Variants in SSBP2 observed in about 807,000 individuals in gnomAD.
The protein encoded by SSBP2 is single-stranded DNA-binding protein 2.
Under a neutral mutation model 61.8 loss-of-function variants are expected in SSBP2, and 17 were observed. The observed-to-expected ratio is 0.28, with a 90% CI of 0.19 to 0.41. The LOEUF (loss-of-function observed/expected upper bound fraction) is 0.41. SSBP2 is among the 10% of genes least tolerant of loss of function. SSBP2 has a pLI of 1.00. For synonymous variants in SSBP2, 139 were observed against 141.3 expected, an observed-to-expected ratio of 0.98 and a Z score of 0.12; for missense variants, 310 against 458.7, an observed-to-expected ratio of 0.68 and a Z score of 2.96.
intron 2 of SSBP2, among the ~76,000 whole-genome samples, chr5:81,647,362 G>C (rs540269904): frequency 6.6e-6 from 1 of 151,946 alleles, no homozygotes; most frequent in South Asian, 2.1e-4. Context: ...TATGTACTAG[G>C]GTTTCCAGAT....
At chr5:81,669,062 T>C (rs535543294) in intron 1 of SSBP2, among the ~76,000 whole-genome samples, 1 of 152,322 alleles carries the variant, frequency 6.6e-6, no homozygotes, top group East Asian at 1.9e-4. Context: ...GGAAGTAGCC[T>C]GTATGTTCAA....
chr5:81,687,275 T>A (rs1451764590), intron 1 of SSBP2, among the ~76,000 whole-genome samples: 1 of 152,178 alleles, frequency 6.6e-6, no homozygotes, highest in Non-Finnish European at 1.5e-5. Flanking sequence ...CAGAACTCAG[T>A]TGGCACTCAT....
At chr5:81,613,311 A>G (rs988275152) in intron 4 of SSBP2, among the ~76,000 whole-genome samples, 7 of 152,196 alleles carry the variant, frequency 4.6e-5, no homozygotes, top group African/African-American at 1.7e-4. Flanking sequence ...TTACACAGTA[A>G]GGGGTTGTTC....
intron 1 of SSBP2, among the ~76,000 whole-genome samples, chr5:81,742,597 C>T (rs1023222290): frequency 1.3e-5 from 2 of 152,156 alleles, no homozygotes; most frequent in African/African-American, 4.8e-5. Context: ...CACAAATGGC[C>T]GGGCTCAGTG....
chr5:81,596,266 G>C (rs1248201426), intron 4 of SSBP2, among the ~76,000 whole-genome samples: 2 of 150,714 alleles, frequency 1.3e-5, no homozygotes, highest in Non-Finnish European at 3.0e-5. Flanking sequence ...AAATACCTAG[G>C]AATCCAACTT....
chr5:81,575,765 A>G (rs976851456), intron 4 of SSBP2, among the ~76,000 whole-genome samples: 1 of 152,200 alleles, frequency 6.6e-6, no homozygotes, highest in South Asian at 2.1e-4. Context: ...AGAAAATTTG[A>G]AAGTAAAAGG....
intron 4 of SSBP2, among the ~76,000 whole-genome samples, chr5:81,529,363 C>T (rs1770217679): frequency 6.6e-6 from 1 of 152,148 alleles, no homozygotes; most frequent in Non-Finnish European, 1.5e-5. Context: ...AAAAATATTA[C>T]ATATTCTTTC....
chr5:81,716,937 A>G (rs562705902), intron 1 of SSBP2, among the ~76,000 whole-genome samples: 2 of 152,366 alleles, frequency 1.3e-5, no homozygotes, highest in East Asian at 3.9e-4. Flanking sequence ...TATACAATTA[A>G]GGAAATACAT....
intron 3 of SSBP2, among the ~76,000 whole-genome samples, chr5:81,625,161 A>T (rs1001215882): frequency 6.6e-6 from 1 of 152,182 alleles, no homozygotes; most frequent in Admixed American, 6.5e-5. Flanking sequence ...ACAAAAATGT[A>T]GACTTATCTC....
At chr5:81,563,182 T>G (rs7737633) in intron 4 of SSBP2, among the ~76,000 whole-genome samples, 1 of 152,142 alleles carries the variant, frequency 6.6e-6, no homozygotes, top group African/African-American at 2.4e-5. Flanking sequence ...AATAGATCAA[T>G]GGTACAGAAT....
intron 4 of SSBP2, among the ~76,000 whole-genome samples, chr5:81,586,057 T>C (rs1285031648): frequency 6.6e-6 from 1 of 152,206 alleles, no homozygotes; most frequent in Non-Finnish European, 1.5e-5. Flanking sequence ...GACGGATACG[T>C]AGGTTGATTC....
chr5:81,689,546 C>T (rs1422714512), intron 1 of SSBP2, among the ~76,000 whole-genome samples: 2 of 150,942 alleles, frequency 1.3e-5, no homozygotes, highest in South Asian at 4.2e-4. Context: ...CCTTACAGGC[C>T]AGGAGAGAGT....
chr5:81,427,387 G>A (rs908921718), intron 16 of SSBP2, among the ~76,000 whole-genome samples: 2 of 151,830 alleles, frequency 1.3e-5, no homozygotes, highest in Admixed American at 1.3e-4. Flanking sequence ...TATATTGCCT[G>A]CAAGTAAACT....
chr5:81,544,150 C>T (rs561947922), intron 4 of SSBP2, among the ~76,000 whole-genome samples: 38 of 152,098 alleles, frequency 2.5e-4, no homozygotes, highest in Middle Eastern at 6.8e-3. Context: ...CCCGGGTTCA[C>T]GACATTCTCC....
At position 81,656,947 on chromosome 5, in the gene SSBP2, G is replaced by A. The variant is rs182712730; in HGVS notation, c.63-6608C>T. 1.8e-3 allele frequency among the ~76,000 whole-genome samples: 273 copies of A among 152,130 alleles called. 1 individual carries two copies. The highest frequency in any genetic ancestry group is 6.4e-3 in the African/African-American group (267 of 41,502). ...CAGTTTGTATAGTATGCTCTCATCT[G>A]TATTACAGAAATATTGTATGTACAT... On this transcript the variant is annotated intron_variant, in intron 1 of 16. Coordinates refer to ENST00000320672, the MANE Select transcript of SSBP2 (RefSeq NM_012446.5).
upstream of SSBP2, chr5:81,751,268 C>T (rs1472442219): frequency 1.7e-6 from 1 of 582,292 alleles, no homozygotes; most frequent in Non-Finnish European, 3.1e-6. Context: ...CGGCAGTCTC[C>T]TCCCTCCTTC....
At chr5:81,524,254 C>G (rs889413997) in intron 4 of SSBP2, among the ~76,000 whole-genome samples, 1 of 151,982 alleles carries the variant, frequency 6.6e-6, no homozygotes, top group East Asian at 1.9e-4. Flanking sequence ...CTCACTGATT[C>G]CTACAACTAC....
chr5:81,750,825 C>T, intron 1 of SSBP2, 156 bp downstream of exon 1: 1 of 844,016 alleles, frequency 1.2e-6, no homozygotes, highest in Non-Finnish European at 1.9e-6. Context: ...CGCAGCTCCC[C>T]GCACCACACG....
intron 5 of SSBP2, among the ~76,000 whole-genome samples, chr5:81,496,206 G>A (rs573877057): frequency 1.7e-3 from 260 of 151,952 alleles, no homozygotes; most frequent in Non-Finnish European, 3.2e-3. Flanking sequence ...TTGAGACGGA[G>A]TCTCACTCTG....
Sources: gnomAD v4.1 joint callset for allele counts (sites outside exome capture counted in the v4.1 genomes callset) on GRCh38, gnomAD v4.1.1 for gene constraint, MANE v1.5 for transcripts, NCBI Gene and HGNC (gene_info 2026-07-23, HGNC 2026-07-21) for gene names.